SYN2: variants seen among roughly 807,000 people sequenced by gnomAD.
The protein encoded by SYN2 is synapsin II.
SYN2 carries 19 observed loss-of-function variants against 50.9 expected under a neutral mutation model. That is an observed-to-expected ratio of 0.37 (90% CI 0.26 to 0.55). The LOEUF (loss-of-function observed/expected upper bound fraction) is 0.55. SYN2 is among the 20% of genes least tolerant of loss of function. The pLI, the probability that SYN2 is intolerant of heterozygous loss-of-function variation, is 0.81. For synonymous variants in SYN2, 255 were observed against 224.9 expected (o/e 1.13, Z -1.20); for missense variants, 587 against 576.4 (o/e 1.02, Z -0.19).
chr3:12,024,891 T>A (rs1694221324), intron 1 of SYN2, among the ~76,000 whole-genome samples: 3 of 152,322 alleles, frequency 2.0e-5, no homozygotes, highest in Admixed American at 1.3e-4. Context: ...CAGTTTACAC[T>A]CCCACCAGCA....
chr3:12,130,105 C>T (rs1696761143), intron 1 of SYN2, among the ~76,000 whole-genome samples: 1 of 151,972 alleles, frequency 6.6e-6, no homozygotes, highest in African/African-American at 2.4e-5. Context: ...GCCAGCCAGT[C>T]TATGGCATTT....
At chr3:12,084,530 G>A (rs1030074052) in intron 1 of SYN2, among the ~76,000 whole-genome samples, 1 of 152,104 alleles carries the variant, frequency 6.6e-6, no homozygotes, top group Admixed American at 6.5e-5. Flanking sequence ...GCTAAAGGGA[G>A]TCCTTCAAGC....
At chr3:12,010,974 A>G (rs1218485179) in intron 1 of SYN2, among the ~76,000 whole-genome samples, 2 of 152,202 alleles carry the variant, frequency 1.3e-5, no homozygotes, top group Non-Finnish European at 2.9e-5. Context: ...GGAATCTAAA[A>G]CAAAAGATGA....
chr3:12,114,494 A>G (rs1412192286), intron 1 of SYN2, among the ~76,000 whole-genome samples: 2 of 152,028 alleles, frequency 1.3e-5, no homozygotes, highest in Admixed American at 6.6e-5. Context: ...TTTGGTGTAT[A>G]TCTTAAAAAT....
At chr3:12,100,750 A>G (rs1696055741) in intron 1 of SYN2, among the ~76,000 whole-genome samples, 1 of 152,132 alleles carries the variant, frequency 6.6e-6, no homozygotes, top group South Asian at 2.1e-4. Context: ...GACAGAATAT[A>G]TAAAGAGCTC....
chr3:12,045,455 A>G (rs1405250953), intron 1 of SYN2, among the ~76,000 whole-genome samples: 1 of 152,240 alleles, frequency 6.6e-6, no homozygotes, highest in Non-Finnish European at 1.5e-5. Flanking sequence ...TTAAATAAGT[A>G]AATGTCTCTA....
chr3:12,072,716 A>G (rs986529615), intron 1 of SYN2, among the ~76,000 whole-genome samples: 1 of 151,930 alleles, frequency 6.6e-6, no homozygotes, highest in Non-Finnish European at 1.5e-5. Context: ...TTGCTTCCAT[A>G]TTCATCCTGT....
intron 1 of SYN2, among the ~76,000 whole-genome samples, chr3:12,098,815 C>T (rs1176449049): frequency 2.1e-5 from 3 of 146,268 alleles, no homozygotes; most frequent in Non-Finnish European, 4.5e-5. Context: ...AAGAGTTACA[C>T]ATTAAAGTCA....
intron 1 of SYN2, among the ~76,000 whole-genome samples, chr3:12,038,558 CATTT>C (rs966460299): frequency 2.0e-5 from 3 of 151,802 alleles, no homozygotes; most frequent in African/African-American, 7.3e-5. Flanking sequence ...AGATTTTTTT[CATTT>C]ATTTTGTTCT....
chr3:12,179,858 C>G (rs745421581), intron 10 of SYN2, among the ~76,000 whole-genome samples: 3 of 152,232 alleles, frequency 2.0e-5, no homozygotes, highest in African/African-American at 7.2e-5. Context: ...ATACCTCCAG[C>G]TGCATCCAAT....
chr3:12,168,265 G>T, intron 8 of SYN2, 111 bp from the exon 9 acceptor site: 1 of 782,198 alleles, frequency 1.3e-6, no homozygotes. Context: ...GGAGGGAGCA[G>T]TGGGAATGGG....
At chr3:12,102,090 A>G (rs1449424471) in intron 1 of SYN2, among the ~76,000 whole-genome samples, 3 of 152,186 alleles carry the variant, frequency 2.0e-5, no homozygotes, top group African/African-American at 4.8e-5. Flanking sequence ...TGAGGATTCT[A>G]TTTTAACCTT....
At chr3:12,079,351 G>A (rs562508769) in intron 1 of SYN2, among the ~76,000 whole-genome samples, 1 of 152,258 alleles carries the variant, frequency 6.6e-6, no homozygotes, top group East Asian at 1.9e-4. Context: ...GAATAGGAGT[G>A]GTGAGAGAGG....
At chr3:12,156,215 A>G (rs1697452986) in intron 5 of SYN2, among the ~76,000 whole-genome samples, 1 of 152,200 alleles carries the variant, frequency 6.6e-6, no homozygotes. Flanking sequence ...TTATGTTTTC[A>G]GGCCAGTTTA....
chr3:12,182,040 C>T (rs1340301839), intron 10 of SYN2, among the ~76,000 whole-genome samples: 1 of 152,164 alleles, frequency 6.6e-6, no homozygotes, highest in Admixed American at 6.5e-5. Context: ...CAAAGGCCCC[C>T]CTCCCAGCTG....
chr3:12,183,043 G>C (rs889339957), intron 10 of SYN2, among the ~76,000 whole-genome samples: 2 of 152,148 alleles, frequency 1.3e-5, no homozygotes, highest in Non-Finnish European at 2.9e-5. Flanking sequence ...TCTAAATGGA[G>C]GAAAATGAAA....
Position 12,190,641 on chromosome 3 carries a change from G to C in SYN2, c.*16G>C. ...TTCAGATTAGCTCTTCAGACACACG[G>C]GGCACCCAGCCCAACCGGGAAAGGC... On this transcript the variant is annotated 3_prime_UTR_variant, in exon 13 of 13. Transcript: ENST00000621198. 1 of 1,607,918 alleles carries C rather than the reference G, an allele frequency of 6.2e-7. No homozygotes were observed. The highest frequency in any genetic ancestry group is 8.5e-7 in the Non-Finnish European group (1 of 1,177,554).
At chr3:12,034,065 G>T (rs1305510635) in intron 1 of SYN2, among the ~76,000 whole-genome samples, 1 of 152,180 alleles carries the variant, frequency 6.6e-6, no homozygotes, top group African/African-American at 2.4e-5. Context: ...GAAGTGCTGG[G>T]TTATATAGTA....
At chr3:12,168,246 CG>C in intron 8 of SYN2, 129 bp from the exon 9 acceptor site, 1 of 709,132 alleles carries the variant, frequency 1.4e-6, no homozygotes, top group South Asian at 1.7e-5. Flanking sequence ...GTGCTTGATA[CG>C]GGTAGATGGA....
Sources: allele counts gnomAD v4.1 joint callset (sites outside exome capture counted in the v4.1 genomes callset), GRCh38; gene constraint gnomAD v4.1.1; transcripts MANE v1.5; gene names NCBI Gene and HGNC (gene_info 2026-07-23, HGNC 2026-07-21).